The following PLA2G4B variants were observed in gnomAD, a reference collection of about 807,000 sequenced individuals.
PLA2G4B encodes cytosolic phospholipase A2 beta.
A neutral mutation model predicts 95.8 loss-of-function variants in PLA2G4B; 122 were observed. The observed-to-expected ratio is 1.27, with a 90% CI of 1.10 to 1.48. The LOEUF (loss-of-function observed/expected upper bound fraction) is 1.48. PLA2G4B is among the 40% of genes most tolerant of loss of function. PLA2G4B has a pLI of 0.00. For missense variants in PLA2G4B, 1,158 were observed against 996.2 expected (o/e 1.16, Z -2.19); for synonymous variants, 518 against 421.5 (o/e 1.23, Z -2.80).
chr15:41,841,724 G>A (rs542463144), intron 7 of PLA2G4B, 95 bp from the exon 8 acceptor site: 61 of 1,573,364 alleles, frequency 3.9e-5, no homozygotes, highest in African/African-American at 3.4e-4. Context: ...CCATTTCAGC[G>A]GGGAGAGGGA....
Position 41,847,312 on chromosome 15 carries a change from G to A in PLA2G4B, c.1948-25G>A, listed in dbSNP as rs114381211. On this transcript the variant is annotated intron_variant, in intron 18 of 19. Coordinates refer to ENST00000458483, the MANE Select transcript of PLA2G4B (RefSeq NM_001114633.2). ...AGGATGCCAGGGGCCCTGTCCCTCT[G>A]AAGCCCCTTCTGCCTGCCCTGCAGC... is the stretch of plus-strand genomic sequence containing the variant. 1.6e-3 allele frequency: 2,577 copies of A among 1,575,934 alleles called. 34 individuals are homozygous for A. In the African/African-American group the frequency reaches 0.032, roughly 20 times the overall value.
intron 18 of PLA2G4B, among the ~76,000 whole-genome samples, 176 bp downstream of exon 18, chr15:41,847,011 G>A (rs951806734): frequency 2.6e-5 from 4 of 152,108 alleles, no homozygotes; most frequent in African/African-American, 7.2e-5. Flanking sequence ...GGAGGCTGGC[G>A]AGGTTCTCCT....
At position 41,847,518 on chromosome 15, in the gene PLA2G4B, C is replaced by T. The variant is rs772010955; in HGVS notation, c.2129C>T (p.Ala710Val). The change falls in exon 19 of 20, where the codon GCC becomes GTC. Residue 710 changes from alanine to valine, a missense_variant. Ala to Val is a moderately conservative substitution (Grantham distance 64, BLOSUM62 0). Transcript: ENST00000458483. ...LVSDSFREYS[A>V]PGVRRTPEEA... Reference sequence around the variant, plus strand: ...AGCGACTCCTTCCGGGAGTACTCGGCCCCTGGTGAGCTGCTGTTCACCTCC... The same window carrying T: ...AGCGACTCCTTCCGGGAGTACTCGGTCCCTGGTGAGCTGCTGTTCACCTCC... 85 of 1,603,650 alleles carry T rather than the reference C, an allele frequency of 5.3e-5. No homozygotes were observed. Among genetic ancestry groups the T allele is most frequent in the Non-Finnish European group, 7.1e-5 (83 of 1,172,658 alleles).
chr15:41,843,863 C>G (rs749376659), intron 11 of PLA2G4B, 52 bp downstream of exon 11: 1 of 1,599,254 alleles, frequency 6.3e-7, no homozygotes, highest in Non-Finnish European at 8.5e-7. Flanking sequence ...GGGCCTAGCT[C>G]CTGGTGCTGA....
In PLA2G4B at chr15:41,848,060, C is replaced by A; in HGVS notation, c.*200C>A. On this transcript the variant is annotated 3_prime_UTR_variant, in exon 20 of 20. Transcript: ENST00000458483. The stretch of plus-strand genomic sequence containing the variant: ...GGCCAAGCCCATTTGTGTAATCACC[C>A]AAAACCCCCCGGCCTGTGCCTGTTT... 2.9e-6 allele frequency: 2 copies of A among 681,042 alleles called. No homozygotes were observed. Among genetic ancestry groups the A allele is most frequent in the Non-Finnish European group, 4.9e-6 (2 of 411,152 alleles). 42.2% of individuals were successfully genotyped at this position (681,042 alleles called of 1,614,324 possible).
intron 19 of PLA2G4B, 46 bp from the exon 20 acceptor site, chr15:41,847,603 C>T (rs756294344): frequency 8.7e-6 from 14 of 1,612,466 alleles, no homozygotes; most frequent in Non-Finnish European, 1.0e-5. Flanking sequence ...CCAAACCTGT[C>T]TTCCCCACAA....
In PLA2G4B at chr15:41,847,517, G is replaced by T; in HGVS notation, c.2128G>T (p.Ala710Ser). ...CAGCGACTCCTTCCGGGAGTACTCG[G>T]CCCCTGGTGAGCTGCTGTTCACCTC... ...LVSDSFREYS[A>S]PGVRRTPEEA... is the part of the protein sequence containing the mutation. Residue 710 changes from alanine (A) to serine (S), a missense_variant, in exon 19 of 20, where the codon GCC becomes TCC. By Grantham distance (99) the Ala-to-Ser change is moderately conservative. Transcript: ENST00000458483. 1 of 1,604,052 alleles carries T rather than the reference G, an allele frequency of 6.2e-7. No homozygotes were observed. Among genetic ancestry groups the T allele is most frequent in the Non-Finnish European group, 8.5e-7 (1 of 1,172,776 alleles).
chr15:41,841,491 T>A, intron 6 of PLA2G4B, 26 bp from the exon 7 acceptor site: 1 of 1,613,838 alleles, frequency 6.2e-7, no homozygotes, highest in Non-Finnish European at 8.5e-7. Context: ...GGGGTTAGTG[T>A]CTGAGGGGCT....
At chr15:41,841,403 A>G (rs2065429962) in intron 6 of PLA2G4B, 114 bp from the exon 7 acceptor site, 2 of 1,607,854 alleles carry the variant, frequency 1.2e-6, no homozygotes, top group Admixed American at 3.3e-5. Flanking sequence ...AGGGAATACA[A>G]TCTCAAGGGC....
chr15:41,845,635 C>A lies in PLA2G4B; in HGVS notation c.1358-3C>A. 6.2e-7 allele frequency: 1 copy of A among 1,614,130 alleles called. No individual in the cohort carries two copies. The highest frequency in any genetic ancestry group is 8.5e-7 in the Non-Finnish European group (1 of 1,180,000). ...ATGAGGCTGAGGCGTGGACTCCTCA[C>A]AGAGTGGTGCGAGTTCTCTCCCTAC... is the stretch of plus-strand genomic sequence containing the variant. On this transcript the variant is annotated splice_region_variant and splice_polypyrimidine_tract_variant and intron_variant, in intron 14 of 19. Coordinates refer to ENST00000458483, the MANE Select transcript of PLA2G4B (RefSeq NM_001114633.2).
chr15:41,838,891 C>T lies in PLA2G4B; in HGVS notation c.-23C>T. The T allele has an allele frequency of 6.3e-7, 1 of 1,592,860 alleles. No homozygotes were observed. On this transcript the variant is annotated 5_prime_UTR_variant, in exon 1 of 20. Coordinates refer to ENST00000458483, the MANE Select transcript of PLA2G4B (RefSeq NM_001114633.2). ...ATCCTGTGGCCACTGCCCCATCATT[C>T]CTGCTCCTGAGGACTCAGTCTCATG...
rs1259105266 is a variant in PLA2G4B, at chr15:41,842,564, T to A, written c.716T>A (p.Met239Lys). 1 of 1,609,520 alleles carries A rather than the reference T, an allele frequency of 6.2e-7. No homozygotes were observed. Among genetic ancestry groups the A allele is most frequent in the Non-Finnish European group, 8.5e-7 (1 of 1,178,782 alleles). ...CTTCACGGTTTTCAGGAGCCCCTGA[T>A]GAGAGTGGAGCTGAAAAAAGAAGCA... is the stretch of plus-strand genomic sequence containing the variant. Reference protein sequence around the residue: ...LVFPTSQEPLMRVELKKEAGL... With the variant: ...LVFPTSQEPLKRVELKKEAGL... The change falls in exon 10 of 20, where the codon ATG (methionine) becomes AAG (lysine). Residue 239 changes from methionine to lysine, a missense_variant. By Grantham distance (95) the Met-to-Lys change is moderately conservative. Coordinates refer to ENST00000458483, the MANE Select transcript of PLA2G4B (RefSeq NM_001114633.2).
rs199868786 is a variant in PLA2G4B, at chr15:41,840,858, C to G, written c.304C>G (p.Leu102Val). 6.2e-7 allele frequency: 1 copy of G among 1,613,998 alleles called. No individual in the cohort carries two copies. The highest frequency in any genetic ancestry group is 8.5e-7 in the Non-Finnish European group (1 of 1,179,904). ...VLSVLFDAGT[L>V]RAGEFRRESF... is the part of the protein sequence containing the mutation. Reference sequence around the variant, plus strand: ...GTCAGTACTGTTTGATGCGGGGACTCTGCGGGCTGGGGAGTTCCGGCGCGA... The same window carrying G: ...GTCAGTACTGTTTGATGCGGGGACTGTGCGGGCTGGGGAGTTCCGGCGCGA... Residue 102 changes from leucine to valine, a missense_variant, in exon 4 of 20, where the codon CTG becomes GTG. Leu to Val is a conservative substitution (Grantham distance 32). Transcript: ENST00000458483.
rs760794500 is a variant in PLA2G4B at position 41,847,700 on chromosome 15, C to T, written c.2186C>T (p.Ser729Leu). The T allele has an allele frequency of 1.9e-6, 3 of 1,613,664 alleles. No individual in the cohort carries two copies. Among genetic ancestry groups the T allele is most frequent in the Non-Finnish European group, 2.5e-6 (3 of 1,180,036 alleles). The change falls in exon 20 of 20, where the codon TCA (serine) becomes TTA (leucine). Residue 729 changes from serine (S) to leucine (L), a missense_variant. Ser to Leu is a moderately radical substitution (Grantham distance 145, BLOSUM62 -2). Transcript: ENST00000458483. Reference protein sequence around the residue: ...EAAAGEVNLSSSDSPYHYTKV... With the variant: ...EAAAGEVNLSLSDSPYHYTKV... ...GCAGCTGGGGAGGTGAACCTGTCTTCATCGGACTCTCCCTACCACTACACG... is the reference window on the plus strand; with the variant it reads ...GCAGCTGGGGAGGTGAACCTGTCTTTATCGGACTCTCCCTACCACTACACG...
chr15:41,845,443 G>A (rs1463348954), intron 14 of PLA2G4B, 123 bp downstream of exon 14: 1 of 1,461,240 alleles, frequency 6.8e-7, no homozygotes, highest in South Asian at 1.3e-5. Context: ...GTGCTTTCTG[G>A]AGACCGGCAC....
chr15:41,842,927 G>T, intron 10 of PLA2G4B: 1 of 328,732 alleles, frequency 3.0e-6, no homozygotes, highest in Non-Finnish European at 5.6e-6. Context: ...GGAGAGAAGA[G>T]GGGAAATTGC....
chr15:41,847,608 C>T (rs778621911), intron 19 of PLA2G4B, 41 bp from the exon 20 acceptor site: 1 of 1,612,882 alleles, frequency 6.2e-7, no homozygotes, highest in East Asian at 2.2e-5. Context: ...CCTGTCTTCC[C>T]CACAACGTGT....
intron 13 of PLA2G4B, 65 bp downstream of exon 13, chr15:41,845,135 C>T: frequency 6.2e-7 from 1 of 1,609,506 alleles, no homozygotes; most frequent in South Asian, 1.1e-5. Context: ...CGGTGCTGGA[C>T]AGCAGGGTGG....
Position 41,848,132 on chromosome 15 carries a change from G to C in PLA2G4B, c.*272G>C, listed in dbSNP as rs1377077553. ...TAGTTGGAGCACTTGATACATCACA[G>C]ACTCATACAAATGTGAGGCGCTGAG... On this transcript the variant is annotated 3_prime_UTR_variant, in exon 20 of 20. Coordinates refer to ENST00000458483, the MANE Select transcript of PLA2G4B (RefSeq NM_001114633.2). 2 of 571,284 alleles carry C rather than the reference G, an allele frequency of 3.5e-6. No homozygotes were observed. Among genetic ancestry groups the C allele is most frequent in the Non-Finnish European group, 6.2e-6 (2 of 320,416 alleles). The allele number at this position is 571,284 out of a possible 1,614,324, so 35.4% of individuals were successfully genotyped here. A position where few individuals can be genotyped will look rare whatever the true frequency, so the allele number is the denominator to read the frequency against.
Sources: gnomAD v4.1 joint callset for allele counts (sites outside exome capture counted in the v4.1 genomes callset) on GRCh38, gnomAD v4.1.1 for gene constraint, MANE v1.5 for transcripts, NCBI Gene and HGNC (gene_info 2026-07-23, HGNC 2026-07-21) for gene names.